The following CAP2 variants were observed in gnomAD, a reference collection of about 807,000 sequenced individuals.
The protein encoded by CAP2 is cyclase associated actin cytoskeleton regulatory protein 2, also known as adenylyl cyclase-associated protein 2.
A neutral mutation model predicts 57.7 loss-of-function variants in CAP2; 24 were observed. That is an observed-to-expected ratio of 0.42 (90% confidence interval 0.30 to 0.58). CAP2 has a LOEUF of 0.58. Among genes scored for constraint, CAP2 ranks in the 20% least tolerant of loss-of-function variants. CAP2 has a pLI of 0.22. For synonymous variants in CAP2, 194 were observed against 207.2 expected, an observed-to-expected ratio of 0.94 and a Z score of 0.55; for missense variants, 501 against 590.3, an observed-to-expected ratio of 0.85 and a Z score of 1.57.
At chr6:17,539,518 A>G in intron 8 of CAP2, 60 bp downstream of exon 8, 2 of 1,330,794 alleles carry the variant, frequency 1.5e-6, no homozygotes, top group Admixed American at 3.9e-5. Context: ...CCAGACACAA[A>G]AGAGCCGCTG....
At chr6:17,395,563 T>C (rs1023653483) in intron 1 of CAP2, among the ~76,000 whole-genome samples, 1 of 152,150 alleles carries the variant, frequency 6.6e-6, no homozygotes, top group Admixed American at 6.5e-5. Flanking sequence ...AGGAGCCTAT[T>C]GAAAGGATTA....
At chr6:17,416,929 C>A (rs975681219) in intron 1 of CAP2, among the ~76,000 whole-genome samples, 1 of 151,916 alleles carries the variant, frequency 6.6e-6, no homozygotes, top group African/African-American at 2.4e-5. Context: ...ACTGTCCCTG[C>A]AAAAAATGAA....
rs917131573 is a variant in CAP2 at position 17,496,613 on chromosome 6, G to T, written c.301-10556G>T. Among the ~76,000 whole-genome samples the T allele has an allele frequency of 1.3e-5, 2 of 151,954 alleles. 1 individual carries two copies. The highest frequency in any genetic ancestry group is 4.2e-4 in the South Asian group (2 of 4,812). On this transcript the variant is annotated intron_variant, in intron 4 of 12. Transcript: ENST00000229922. ...AGTGCTGAGAATACAGGTGTGAGCC[G>T]CCACTCCCAGCTGTTTGCTCCTGAG...
rs1761063296 is a variant in CAP2, at chr6:17,473,080, CT to C, written c.300+10010del. On this transcript the variant is annotated intron_variant, in intron 4 of 12. Transcript: ENST00000229922. ...TGATAAGGCACATTAGCTCATCTCT[CT>C]TTGTATAAGACATGAATTAGATAAT... Among the ~76,000 whole-genome samples the C allele has an allele frequency of 3.3e-5, 5 of 151,028 alleles. 1 individual carries two copies. The highest frequency in any genetic ancestry group is 3.3e-4 in the Admixed American group (5 of 15,150).
intron 3 of CAP2, among the ~76,000 whole-genome samples, chr6:17,435,042 A>C (rs1278537543): frequency 1.5e-5 from 2 of 133,020 alleles, no homozygotes; most frequent in Non-Finnish European, 3.2e-5. Flanking sequence ...CAGGTGCTGG[A>C]GAGGATGCGG....
chr6:17,550,771 A>G (rs943878762), intron 11 of CAP2, among the ~76,000 whole-genome samples: 1 of 152,180 alleles, frequency 6.6e-6, no homozygotes, highest in Non-Finnish European at 1.5e-5. Context: ...TTTATAAACA[A>G]TACAAAGAAT....
intron 7 of CAP2, chr6:17,531,294 T>C (rs1762633029): frequency 6.5e-6 from 6 of 922,890 alleles, no homozygotes; most frequent in Non-Finnish European, 1.1e-5. Context: ...GTTGAAGATT[T>C]GACGAAGGGA....
rs540097863 is a variant in CAP2, at chr6:17,543,075, C to T, written c.1141C>T (p.Leu381Phe). The change falls in exon 11 of 13, where the codon CTC (leucine) becomes TTC (phenylalanine). Residue 381 changes from leucine to phenylalanine, a missense_variant. Leu to Phe is a conservative substitution (Grantham distance 22). Transcript: ENST00000229922. ...TCTCCCCACAGACAACTGTAAAAAACTCGGCCTGGTGTTTGACAATGTGGT... is the reference window on the plus strand; with the variant it reads ...TCTCCCCACAGACAACTGTAAAAAATTCGGCCTGGTGTTTGACAATGTGGT... Reference protein sequence around the residue: ...NSIIIDNCKKLGLVFDNVVGI... With the variant: ...NSIIIDNCKKFGLVFDNVVGI... The T allele has an allele frequency of 6.2e-7, 1 of 1,614,028 alleles. No individual in the cohort carries two copies. Among genetic ancestry groups the T allele is most frequent in the African/African-American group, 1.3e-5 (1 of 75,044 alleles).
intron 4 of CAP2, among the ~76,000 whole-genome samples, chr6:17,478,526 A>G (rs974568521): frequency 4.6e-5 from 7 of 151,854 alleles, no homozygotes; most frequent in Non-Finnish European, 1.0e-4. Flanking sequence ...GTGACCTCCT[A>G]CCTTCCCTAG....
At chr6:17,438,433 GTTTTTTTT>G (rs773266583) in intron 3 of CAP2, among the ~76,000 whole-genome samples, 1 of 58,374 alleles carries the variant, frequency 1.7e-5, no homozygotes, top group African/African-American at 1.0e-4. Flanking sequence ...ATCCAGAAGT[GTTTTTTTT>G]TTTTTTTTTT....
intron 4 of CAP2, among the ~76,000 whole-genome samples, chr6:17,496,231 A>G (rs1761667183): frequency 6.6e-6 from 1 of 152,222 alleles, no homozygotes; most frequent in Admixed American, 6.5e-5. Context: ...TTCACAGAAT[A>G]CCAGTTCCTT....
At position 17,421,793 on chromosome 6, in the gene CAP2, C is replaced by T. The variant is rs113869992; in HGVS notation, c.121+117C>T. On this transcript the variant is annotated intron_variant, in intron 2 of 12. Coordinates refer to ENST00000229922, the MANE Select transcript of CAP2 (RefSeq NM_006366.3). ...CCTTCAGCTTCCCTACTCCTTCCAT[C>T]GTATGTGACCATAACATTAACCAGA... 1,707 of 1,154,758 alleles carry T rather than the reference C, an allele frequency of 1.5e-3. 15 individuals are homozygous for T. In the African/African-American group the frequency reaches 0.018, roughly 12 times the overall value. 71.5% of individuals were successfully genotyped at this position (1,154,758 alleles called of 1,614,324 possible).
intron 1 of CAP2, among the ~76,000 whole-genome samples, chr6:17,408,619 C>G (rs1759052206): frequency 6.6e-6 from 1 of 151,192 alleles, no homozygotes; most frequent in East Asian, 1.9e-4. Flanking sequence ...TAAAACATTC[C>G]TAGTCATGAG....
At chr6:17,464,102 C>G (rs1760798027) in intron 4 of CAP2, among the ~76,000 whole-genome samples, 1 of 152,152 alleles carries the variant, frequency 6.6e-6, no homozygotes, top group African/African-American at 2.4e-5. Context: ...TTGTATCATG[C>G]AAATAACTGC....
chr6:17,412,328 T>C (rs1883657), intron 1 of CAP2, among the ~76,000 whole-genome samples: 15,555 of 152,180 alleles, frequency 0.1, 2,656 homozygotes, highest in African/African-American at 0.35. Context: ...CAGTACCGAA[T>C]GTAGCTCAAA....
intron 4 of CAP2, among the ~76,000 whole-genome samples, chr6:17,503,380 G>A (rs566915445): frequency 7.9e-5 from 12 of 152,018 alleles, no homozygotes; most frequent in African/African-American, 2.2e-4. Flanking sequence ...AGGCCGAGGC[G>A]GGCAGATCAC....
chr6:17,463,157 T>C (rs1760773242), intron 4 of CAP2, 84 bp downstream of exon 4: 2 of 934,144 alleles, frequency 2.1e-6, no homozygotes, highest in Admixed American at 3.9e-5. Flanking sequence ...AAGCATTTAT[T>C]ATAGTCGACC....
At chr6:17,459,278 T>TTCAA (rs1169241639) in intron 3 of CAP2, among the ~76,000 whole-genome samples, 1 of 152,222 alleles carries the variant, frequency 6.6e-6, no homozygotes, top group Admixed American at 6.5e-5. Flanking sequence ...AAATAAAGAC[T>TTCAA]GGACATCACC....
chr6:17,521,279 C>T (rs1561814325), intron 7 of CAP2, among the ~76,000 whole-genome samples: 3 of 151,908 alleles, frequency 2.0e-5, no homozygotes, highest in African/African-American at 7.3e-5. Context: ...ATTAGCCGCA[C>T]AAGGTGGCGG....
Sources: allele counts gnomAD v4.1 joint callset (sites outside exome capture counted in the v4.1 genomes callset), GRCh38; gene constraint gnomAD v4.1.1; transcripts MANE v1.5; gene names NCBI Gene and HGNC (gene_info 2026-07-23, HGNC 2026-07-21).